Variants in LRBA observed in about 807,000 individuals in gnomAD.
The protein encoded by LRBA is lipopolysaccharide-responsive and beige-like anchor protein.
LRBA carries 176 observed loss-of-function variants against 330.0 expected under a neutral mutation model. The ratio of observed to expected loss-of-function variants is 0.53; its 90% CI spans 0.47 to 0.60. The LOEUF (loss-of-function observed/expected upper bound fraction) is 0.60, where lower values mean the gene tolerates loss of function less well. LRBA is among the 20% of genes least tolerant of loss of function. The pLI, the probability that LRBA is intolerant of heterozygous loss-of-function variation, is 0.00. For synonymous variants in LRBA, 1,230 were observed against 1,193.0 expected (o/e 1.03, Z -0.64); for missense variants, 3,259 against 3,444.8 (o/e 0.95, Z 1.35).
chr4:150,975,607 T>C (rs891535332), intron 2 of LRBA, among the ~76,000 whole-genome samples: 2 of 149,146 alleles, frequency 1.3e-5, no homozygotes, highest in African/African-American at 2.5e-5. Context: ...AAAGACAGAA[T>C]AGAAGTATTC....
intron 38 of LRBA, among the ~76,000 whole-genome samples, chr4:150,591,518 T>C (rs1772829567): frequency 6.6e-6 from 1 of 152,168 alleles, no homozygotes; most frequent in Non-Finnish European, 1.5e-5. Flanking sequence ...TTGTCCTTTA[T>C]ACAAATATCC....
intron 17 of LRBA, among the ~76,000 whole-genome samples, chr4:150,889,392 C>T (rs1313918884): frequency 6.6e-6 from 1 of 152,070 alleles, no homozygotes; most frequent in Non-Finnish European, 1.5e-5. Flanking sequence ...CCTATAATCC[C>T]CTCACTTTAG....
Position 150,534,858 on chromosome 4 carries a change from A to G in LRBA, c.6331-43823T>C, listed in dbSNP as rs76843997. On this transcript the variant is annotated intron_variant, in intron 40 of 56. Coordinates refer to ENST00000651943, the MANE Select transcript of LRBA (RefSeq NM_001364905.1). ...GAATTTATCAATTTAATGAGGATTTAGGCAGATTAGTTGCTTAATGAGAAC... is the reference window on the plus strand; with the variant it reads ...GAATTTATCAATTTAATGAGGATTTGGGCAGATTAGTTGCTTAATGAGAAC... Among the ~76,000 whole-genome samples the G allele has an allele frequency of 1.2e-3, 189 of 152,312 alleles. 4 individuals carry two copies. Among genetic ancestry groups the G allele is most frequent in the African/African-American group, 4.4e-3 (185 of 41,574 alleles).
At chr4:150,915,526 C>G in intron 8 of LRBA, 82 bp downstream of exon 8, 2 of 1,259,160 alleles carry the variant, frequency 1.6e-6, no homozygotes, top group Non-Finnish European at 2.2e-6. Flanking sequence ...ATTTTATATT[C>G]AAGTTGTAAA....
chr4:150,680,614 G>C (rs1416941816), intron 37 of LRBA, among the ~76,000 whole-genome samples: 1 of 152,156 alleles, frequency 6.6e-6, no homozygotes, highest in East Asian at 1.9e-4. Flanking sequence ...AATCATCATT[G>C]TGTTATCCAT....
intron 36 of LRBA, among the ~76,000 whole-genome samples, chr4:150,712,552 G>C (rs375397144): frequency 2.0e-5 from 3 of 152,248 alleles, no homozygotes; most frequent in East Asian, 3.9e-4. Context: ...TTCTCCAGAA[G>C]TAATATTTTC....
At position 150,868,960 on chromosome 4, in the gene LRBA, T is replaced by TA. The variant is rs1753083787; in HGVS notation, c.2450-656dup. 3.3e-5 allele frequency among the ~76,000 whole-genome samples: 5 copies of TA among 152,010 alleles called. No homozygotes were observed. The South Asian group carries it at 1.0e-3, about 31-fold the overall frequency. ...CTCAAAAAAAAATAATGAAATAAAATAAAAAATACTATAATCAAAATCTCA... is the reference window on the plus strand; with the variant it reads ...CTCAAAAAAAAATAATGAAATAAAATAAAAAAATACTATAATCAAAATCTCA... On this transcript the variant is annotated intron_variant, in intron 20 of 56. Coordinates refer to ENST00000651943, the MANE Select transcript of LRBA (RefSeq NM_001364905.1).
chr4:150,643,482 C>A (rs895954017), intron 37 of LRBA, among the ~76,000 whole-genome samples: 1 of 151,676 alleles, frequency 6.6e-6, no homozygotes, highest in Non-Finnish European at 1.5e-5. Flanking sequence ...AGTAAATAAC[C>A]TGTATGAAGA....
chr4:150,534,821 T>C (rs6827832), intron 40 of LRBA, among the ~76,000 whole-genome samples: 35,917 of 152,100 alleles, frequency 0.24, 4,503 homozygotes, highest in African/African-American at 0.33. Context: ...GATGCCATTG[T>C]CTATAAAAAA....
intron 31 of LRBA, among the ~76,000 whole-genome samples, chr4:150,810,719 A>G (rs1465649427): frequency 1.3e-5 from 2 of 152,138 alleles, no homozygotes; most frequent in African/African-American, 2.4e-5. Context: ...TTCCTGCCTC[A>G]GCCTCCCAAG....
chr4:150,433,903 T>C (rs1750754756), intron 46 of LRBA, among the ~76,000 whole-genome samples: 1 of 152,122 alleles, frequency 6.6e-6, no homozygotes, highest in Admixed American at 6.5e-5. Context: ...GATGTCCCAA[T>C]AAAAGATTAT....
At position 150,841,752 on chromosome 4, in the gene LRBA, A is replaced by T. The variant is rs1455927126; in HGVS notation, c.4569+2348T>A. On this transcript the variant is annotated intron_variant, in intron 28 of 56. Coordinates refer to ENST00000651943, the MANE Select transcript of LRBA (RefSeq NM_001364905.1). ...ACTGCAAGCTCCGCCTCCCGAGTTC[A>T]CGCCATTCTCCCGCCTCAGCCTCCC... Among the ~76,000 whole-genome samples the T allele has an allele frequency of 2.6e-5, 4 of 151,688 alleles. No homozygotes were observed. The East Asian group carries it at 7.7e-4, about 29-fold the overall frequency.
Position 150,312,788 on chromosome 4 carries a change from G to A in LRBA, c.7694-2404C>T, listed in dbSNP as rs113234157. ...TTAATAATAGATCACTATATGAATTGCCACTAATGCAGAGAGTTCAAAGAT... is the reference window on the plus strand; with the variant it reads ...TTAATAATAGATCACTATATGAATTACCACTAATGCAGAGAGTTCAAAGAT... On this transcript the variant is annotated intron_variant, in intron 51 of 56. Coordinates refer to ENST00000651943, the MANE Select transcript of LRBA (RefSeq NM_001364905.1). Among the ~76,000 whole-genome samples the A allele has an allele frequency of 5.0e-3, 757 of 152,100 alleles. 7 individuals are homozygous for A. Among genetic ancestry groups the A allele is most frequent in the African/African-American group, 0.017 (725 of 41,496 alleles).
chr4:150,726,352 A>G (rs1729666061), intron 36 of LRBA, among the ~76,000 whole-genome samples: 1 of 152,232 alleles, frequency 6.6e-6, no homozygotes, highest in Admixed American at 6.5e-5. Flanking sequence ...GTTACATTTA[A>G]TCAGATAAAA....
At chr4:150,316,112 C>A (rs1481485506) in intron 50 of LRBA, among the ~76,000 whole-genome samples, 4 of 152,070 alleles carry the variant, frequency 2.6e-5, no homozygotes, top group Non-Finnish European at 5.9e-5. Context: ...TAAAATCAAT[C>A]AATTGAAAGT....
intron 23 of LRBA, 40 bp downstream of exon 23, chr4:150,851,845 C>CA: frequency 6.6e-7 from 1 of 1,510,948 alleles, no homozygotes; most frequent in Non-Finnish European, 8.8e-7. Context: ...TTTTTTAACT[C>CA]AGTGCAAAAG....
intron 16 of LRBA, among the ~76,000 whole-genome samples, chr4:150,895,179 TCTAA>T (rs1402684013): frequency 6.6e-6 from 1 of 152,184 alleles, no homozygotes; most frequent in Non-Finnish European, 1.5e-5. Flanking sequence ...TAGGTAAAAA[TCTAA>T]CTAAAAATAG....
intron 33 of LRBA, among the ~76,000 whole-genome samples, chr4:150,802,981 C>T (rs1460710888): frequency 7.0e-6 from 1 of 143,090 alleles, no homozygotes; most frequent in Non-Finnish European, 1.5e-5. Flanking sequence ...AAGATCGCAC[C>T]ACTGCACTCC....
intron 47 of LRBA, among the ~76,000 whole-genome samples, chr4:150,386,138 A>G (rs1489832749): frequency 6.6e-6 from 1 of 152,184 alleles, no homozygotes; most frequent in African/African-American, 2.4e-5. Flanking sequence ...CAGAAGATAC[A>G]TGTAAGATAT....
Sources: allele counts gnomAD v4.1 joint callset (sites outside exome capture counted in the v4.1 genomes callset), GRCh38; gene constraint gnomAD v4.1.1; transcripts MANE v1.5; gene names NCBI Gene and HGNC (gene_info 2026-07-23, HGNC 2026-07-21).